The following CHIC2 variants were observed in gnomAD, a reference collection of about 807,000 sequenced individuals.
CHIC2 encodes the protein cysteine rich hydrophobic domain 2.
A neutral mutation model predicts 25.9 loss-of-function variants in CHIC2; 14 were observed. The ratio of observed to expected loss-of-function variants is 0.54; its 90% CI spans 0.36 to 0.85. CHIC2 has a LOEUF of 0.85. CHIC2 is among the 40% of genes least tolerant of loss of function. The pLI is 0.01. For missense variants in CHIC2, 146 were observed against 202.0 expected (o/e 0.72, Z 1.68); for synonymous variants, 70 against 72.0 (o/e 0.97, Z 0.14).
chr4:54,021,604 A>T (rs912607318), intron 3 of CHIC2, among the ~76,000 whole-genome samples: 1 of 152,082 alleles, frequency 6.6e-6, no homozygotes, highest in Non-Finnish European at 1.5e-5. Context: ...TTTCCTCTTA[A>T]AAAGGTGACT....
chr4:54,079,333 T>G, the CHIC2 span, among the ~76,000 whole-genome samples: 2 of 152,178 alleles, frequency 1.3e-5, no homozygotes, highest in South Asian at 4.1e-4. Flanking sequence ...TAGGGGAAAA[T>G]TTCCTTGACG....
At chr4:54,013,975 T>C in intron 4 of CHIC2, 79 bp from the exon 5 acceptor site, 1 of 1,596,200 alleles carries the variant, frequency 6.3e-7, no homozygotes. Flanking sequence ...TTGTCCACCT[T>C]TCATATTTTT....
At chr4:54,086,509 G>T in the CHIC2 span, among the ~76,000 whole-genome samples, 1 of 152,108 alleles carries the variant, frequency 6.6e-6, no homozygotes, top group Non-Finnish European at 1.5e-5. Flanking sequence ...TAAATATCCT[G>T]CAGGAGCTTC....
At chr4:54,033,708 T>A (rs889663946) in intron 3 of CHIC2, among the ~76,000 whole-genome samples, 1 of 152,194 alleles carries the variant, frequency 6.6e-6, no homozygotes, top group Non-Finnish European at 1.5e-5. Context: ...ATGTACAGAT[T>A]GAAGGATTTT....
At chr4:54,038,605 A>G (rs890905176) in intron 3 of CHIC2, among the ~76,000 whole-genome samples, 10 of 152,230 alleles carry the variant, frequency 6.6e-5, no homozygotes, top group Admixed American at 5.2e-4. Flanking sequence ...TTTCTTATAG[A>G]TATTTGACAA....
chr4:54,082,461 G>GGAAAAGAAAGTCTTTTGGAAA, the CHIC2 span, among the ~76,000 whole-genome samples: 115 of 152,270 alleles, frequency 7.6e-4, no homozygotes, highest in Admixed American at 5.5e-3. Context: ...CGGTCTACAT[G>GGAAAAGAAAGTCTTTTGGAAA]GAAAAGAAAG....
At chr4:54,084,379 C>G in the CHIC2 span, among the ~76,000 whole-genome samples, 1 of 152,002 alleles carries the variant, frequency 6.6e-6, no homozygotes, top group Non-Finnish European at 1.5e-5. Context: ...GCTAAGTACA[C>G]TAAGAGTCCT....
In CHIC2 at chr4:54,064,476, TCGCCGCCAC is replaced by T. The variant is rs1461878909; in HGVS notation, c.-185_-177del. The T allele has an allele frequency of 6.9e-7, 1 of 1,450,028 alleles. No homozygotes were observed. The highest frequency in any genetic ancestry group is 9.0e-7 in the Non-Finnish European group (1 of 1,109,728). The allele number at this position is 1,450,028 out of a possible 1,614,324, so 89.8% of individuals were successfully genotyped here. A position where few individuals can be genotyped will look rare whatever the true frequency, so the allele number is the denominator to read the frequency against. ...TACAGAGGGGATGGGGTCTGGACCG[TCGCCGCCAC>T]CGCCGCCGCCATTACCATCAGCAAT... On this transcript the variant is annotated 5_prime_UTR_variant, in exon 1 of 6. Coordinates refer to ENST00000263921, the MANE Select transcript of CHIC2 (RefSeq NM_012110.4). This position sits in a 1 kb window ranked among gnomAD's most constrained non-coding sequence, Gnocchi z 4.2.
chr4:54,043,354 G>A (rs151170376), intron 3 of CHIC2, among the ~76,000 whole-genome samples: 28 of 150,402 alleles, frequency 1.9e-4, no homozygotes, highest in Non-Finnish European at 3.4e-4. Context: ...ACGGGAGGTG[G>A]AGCTTGCAGT....
At chr4:54,031,229 T>C (rs1577970605) in intron 3 of CHIC2, among the ~76,000 whole-genome samples, 1 of 151,462 alleles carries the variant, frequency 6.6e-6, no homozygotes, top group Admixed American at 6.6e-5. Flanking sequence ...TCTCTCAAGG[T>C]CACCCAGCTT....
At chr4:54,052,343 G>C (rs576980083) in intron 1 of CHIC2, among the ~76,000 whole-genome samples, 2 of 152,238 alleles carry the variant, frequency 1.3e-5, no homozygotes, top group East Asian at 3.9e-4. Flanking sequence ...AGGAGGCAGA[G>C]ACTGTTAGAA....
chr4:54,022,767 T>C (rs1024085875), intron 3 of CHIC2, among the ~76,000 whole-genome samples: 8 of 151,994 alleles, frequency 5.3e-5, no homozygotes, highest in African/African-American at 1.9e-4. Context: ...TAAAACCTAA[T>C]CACCCTTACC....
chr4:54,016,974 C>A (rs1185921408), intron 3 of CHIC2, among the ~76,000 whole-genome samples: 1 of 151,256 alleles, frequency 6.6e-6, no homozygotes, highest in African/African-American at 2.4e-5. Context: ...TTAAGAAAAT[C>A]AAAATATATT....
intron 1 of CHIC2, chr4:54,060,682 C>T (rs932704631): frequency 2.6e-5 from 4 of 152,108 alleles, no homozygotes; most frequent in Admixed American, 1.3e-4. Flanking sequence ...AAATGATCAA[C>T]ATATTTTGCA....
chr4:54,077,590 ACAGG>A, the CHIC2 span, among the ~76,000 whole-genome samples: 1 of 152,212 alleles, frequency 6.6e-6, no homozygotes, highest in African/African-American at 2.4e-5. Context: ...TAAGGAACAG[ACAGG>A]TTATTTTGCT....
In CHIC2 at chr4:54,063,557, G is replaced by A. The variant is rs138540409; in HGVS notation, c.119+625C>T. Among the ~76,000 whole-genome samples, 151 of 152,342 alleles carry A rather than the reference G, an allele frequency of 9.9e-4. 1 individual carries two copies. Among genetic ancestry groups the A allele is most frequent in the Admixed American group, 5.4e-3 (83 of 15,298 alleles). ...ATTTTCCCTCAGTAACCTGAGCAGA[G>A]TGTATGTCCCTCACGTAGTTGTTGT... On this transcript the variant is annotated intron_variant, in intron 1 of 5. Transcript: ENST00000263921.
upstream of CHIC2, chr4:54,064,607 C>A (rs1206969834): frequency 8.5e-7 from 1 of 1,174,234 alleles, no homozygotes; most frequent in Non-Finnish European, 1.1e-6. The surrounding 1 kb of genome is among the most constrained non-coding windows in gnomAD (Gnocchi z 4.2). Flanking sequence ...CAGGAAACCA[C>A]AGCAACAGCC....
intron 2 of CHIC2, 58 bp from the exon 3 acceptor site, chr4:54,049,168 T>A (rs1560395056): frequency 6.4e-7 from 1 of 1,568,784 alleles, no homozygotes; most frequent in Non-Finnish European, 8.7e-7. Context: ...AAAACATGAC[T>A]GATGAGCATA....
chr4:54,078,559 G>A, the CHIC2 span, among the ~76,000 whole-genome samples: 1 of 151,948 alleles, frequency 6.6e-6, no homozygotes, highest in Non-Finnish European at 1.5e-5. Context: ...TCTGTCCCCA[G>A]GGCTGGAGTG....
Sources: allele counts gnomAD v4.1 joint callset (sites outside exome capture counted in the v4.1 genomes callset), GRCh38; gene constraint gnomAD v4.1.1; non-coding constraint Gnocchi (gnomAD v3.1); transcripts MANE v1.5; gene names NCBI Gene and HGNC (gene_info 2026-07-23, HGNC 2026-07-21).